GSPT1: variants seen among roughly 807,000 people sequenced by gnomAD.
GSPT1 encodes the protein eukaryotic peptide chain release factor GTP-binding subunit ERF3A.
Under a neutral mutation model 72.5 loss-of-function variants are expected in GSPT1, and 20 were observed. The observed-to-expected ratio is 0.28, with a 90% CI of 0.19 to 0.40. The LOEUF (loss-of-function observed/expected upper bound fraction) is 0.40, where lower values mean the gene tolerates loss of function less well. Among genes scored for constraint, GSPT1 ranks in the 10% least tolerant of loss-of-function variants. The pLI is 1.00. For missense variants in GSPT1, 580 were observed against 811.9 expected (o/e 0.71, Z 3.47); for synonymous variants, 334 against 293.5 (o/e 1.14, Z -1.41).
chr16:11,883,726 A>C (rs1308785668), intron 10 of GSPT1, among the ~76,000 whole-genome samples: 2 of 151,962 alleles, frequency 1.3e-5, no homozygotes, highest in Non-Finnish European at 2.9e-5. Flanking sequence ...CATCCTGGCC[A>C]ACATGGTGAA....
intron 5 of GSPT1, among the ~76,000 whole-genome samples, chr16:11,892,513 A>AAAAAT (rs2054275332): frequency 7.8e-6 from 1 of 127,756 alleles, no homozygotes; most frequent in African/African-American, 3.2e-5. Context: ...TCTCAAAAAA[A>AAAAAT]CAAAAAAAAC....
intron 11 of GSPT1, 139 bp downstream of exon 11, chr16:11,882,876 T>C (rs904830533): frequency 1.7e-6 from 1 of 598,058 alleles, no homozygotes; most frequent in East Asian, 2.8e-5. Flanking sequence ...GGTGGCAGGA[T>C]TGCTTGAAAG....
At chr16:11,898,649 C>A (rs957093961) in intron 1 of GSPT1, among the ~76,000 whole-genome samples, 1 of 152,176 alleles carries the variant, frequency 6.6e-6, no homozygotes, top group South Asian at 2.1e-4. Context: ...TGGGGTTTCG[C>A]CACGTTGGTC....
At chr16:11,886,427 A>G in intron 9 of GSPT1, 44 bp downstream of exon 9, 1 of 1,368,976 alleles carries the variant, frequency 7.3e-7, no homozygotes, top group Non-Finnish European at 1.0e-6. Context: ...TTTAAGTAAT[A>G]ACATCCTTTT....
intron 10 of GSPT1, among the ~76,000 whole-genome samples, chr16:11,884,942 C>T (rs1462982209): frequency 1.3e-5 from 2 of 151,572 alleles, no homozygotes; most frequent in East Asian, 1.9e-4. Context: ...GTGGCGGGAG[C>T]CTGTAGTCCT....
chr16:11,913,119 C>T (rs747159106), intron 1 of GSPT1, among the ~76,000 whole-genome samples: 1 of 152,206 alleles, frequency 6.6e-6, no homozygotes, highest in South Asian at 2.1e-4. Context: ...AAGTTCCAAT[C>T]CAGGTGTTAT....
chr16:11,876,236 C>T, intron 12 of GSPT1, 61 bp from the exon 13 acceptor site: 8 of 1,012,742 alleles, frequency 7.9e-6, no homozygotes, highest in Non-Finnish European at 1.3e-5. Flanking sequence ...ATTCAATGTT[C>T]TCAAGCGCCA....
intron 1 of GSPT1, among the ~76,000 whole-genome samples, chr16:11,900,458 A>ATT (rs1197708112): frequency 6.6e-6 from 1 of 152,054 alleles, no homozygotes; most frequent in African/African-American, 2.4e-5. Flanking sequence ...GGGGGTAGCA[A>ATT]TTTGCTTTAA....
chr16:11,884,629 T>C (rs963109970), intron 10 of GSPT1, among the ~76,000 whole-genome samples: 1 of 151,990 alleles, frequency 6.6e-6, no homozygotes, highest in East Asian at 1.9e-4. Context: ...CTGGATGCGG[T>C]GGCACACGCC....
Position 11,915,756 on chromosome 16 carries a change from G to T in GSPT1, c.-36C>A. On this transcript the variant is annotated 5_prime_UTR_variant, in exon 1 of 15. Transcript: ENST00000434724. The stretch of plus-strand genomic sequence containing the variant: ...GCCGTGTGTGTGGTGGACAGAGAGC[G>T]GGAAATGGAGGCAGGGGCGCCCGGC... The T allele has an allele frequency of 6.4e-7, 1 of 1,553,726 alleles. No individual in the cohort carries two copies. The highest frequency in any genetic ancestry group is 8.6e-7 in the Non-Finnish European group (1 of 1,156,754).
intron 6 of GSPT1, among the ~76,000 whole-genome samples, chr16:11,888,977 C>T (rs1387812117): frequency 6.6e-6 from 1 of 152,074 alleles, no homozygotes; most frequent in Non-Finnish European, 1.5e-5. Flanking sequence ...CAAAATACAA[C>T]ACAAATAATG....
In GSPT1 at chr16:11,897,858, C is replaced by A; in HGVS notation, c.418G>T (p.Glu140Ter). The A allele has an allele frequency of 6.5e-7, 1 of 1,536,770 alleles. No homozygotes were observed. Among genetic ancestry groups the A allele is most frequent in the South Asian group, 1.2e-5 (1 of 84,838 alleles). ...TTCTTACCAATAGGTTCTGAAAGTT[C>A]CATGCTAACAGCTGAATTTGAACCT... ...CEGSNSAVSM[E>*]LSEPIVENGE... The change falls in exon 3 of 15, where the codon GAA becomes TAA. Residue 140 changes from glutamate (E) to a stop codon, truncating the protein, a stop_gained. Transcript: ENST00000434724. LOFTEE classifies it high-confidence loss of function.
intron 9 of GSPT1, 27 bp downstream of exon 9, chr16:11,886,444 T>TA: frequency 1.9e-6 from 3 of 1,556,066 alleles, no homozygotes; most frequent in Non-Finnish European, 1.8e-6. Flanking sequence ...TTTTCCTTTT[T>TA]AAAAAAAGGA....
intron 5 of GSPT1, among the ~76,000 whole-genome samples, chr16:11,893,658 G>A (rs1308970515): frequency 6.6e-6 from 1 of 152,072 alleles, no homozygotes. Flanking sequence ...ATAGTGCAGT[G>A]CACCTAAGCA....
At chr16:11,906,528 G>C (rs1327912915) in intron 1 of GSPT1, among the ~76,000 whole-genome samples, 1 of 152,142 alleles carries the variant, frequency 6.6e-6, no homozygotes, top group Admixed American at 6.6e-5. Context: ...CAGCTATTTA[G>C]GAGGCTGAGG....
intron 6 of GSPT1, among the ~76,000 whole-genome samples, chr16:11,889,880 G>C (rs1207726693): frequency 6.6e-6 from 1 of 151,844 alleles, no homozygotes; most frequent in East Asian, 1.9e-4. Context: ...CCTCAGGTGT[G>C]ATCTGCCTGC....
At chr16:11,907,539 G>A (rs2054504256) in intron 1 of GSPT1, among the ~76,000 whole-genome samples, 1 of 152,120 alleles carries the variant, frequency 6.6e-6, no homozygotes, top group Non-Finnish European at 1.5e-5. Context: ...TGAAACATTA[G>A]GCAAATGCCA....
chr16:11,910,174 G>A (rs1409744774), intron 1 of GSPT1, among the ~76,000 whole-genome samples: 2 of 152,036 alleles, frequency 1.3e-5, no homozygotes, highest in African/African-American at 4.8e-5. Flanking sequence ...TCTGGCCCAG[G>A]AGGCCAGAAA....
chr16:11,886,964 C>T (rs765632034), intron 7 of GSPT1, 33 bp from the exon 8 acceptor site: 59 of 1,585,842 alleles, frequency 3.7e-5, no homozygotes, highest in African/African-American at 1.5e-4. Context: ...TTTACTCCTT[C>T]GCCTTCAGGC....
Sources: allele counts gnomAD v4.1 joint callset (sites outside exome capture counted in the v4.1 genomes callset), GRCh38; gene constraint gnomAD v4.1.1; transcripts MANE v1.5; gene names NCBI Gene and HGNC (gene_info 2026-07-23, HGNC 2026-07-21).